ABCC2: variants seen among roughly 807,000 people sequenced by gnomAD.
ABCC2 encodes ATP binding cassette subfamily C member 2, also known as ATP-binding cassette sub-family C member 2.
Under a neutral mutation model 173.4 loss-of-function variants are expected in ABCC2, and 157 were observed. The observed-to-expected ratio is 0.91, with a 90% CI of 0.80 to 1.03. ABCC2 has a LOEUF of 1.03. Among genes scored for constraint, ABCC2 ranks in the 50% least tolerant of loss-of-function variants. The pLI is 0.00. For missense variants in ABCC2, 1,822 were observed against 1,852.3 expected, an observed-to-expected ratio of 0.98 and a Z score of 0.30; for synonymous variants, 657 against 693.5, an observed-to-expected ratio of 0.95 and a Z score of 0.83.
intron 2 of ABCC2, among the ~76,000 whole-genome samples, chr10:99,785,319 G>A (rs1590134625): frequency 6.6e-6 from 1 of 152,154 alleles, no homozygotes; most frequent in East Asian, 1.9e-4. Flanking sequence ...AGCACGAGTA[G>A]GGAAATAATG....
intron 28 of ABCC2, 117 bp from the exon 29 acceptor site, chr10:99,845,507 A>G (rs918369339): frequency 7.6e-7 from 1 of 1,309,548 alleles, no homozygotes; most frequent in Non-Finnish European, 1.1e-6. Context: ...TTAATATCTT[A>G]GAGATGGAGT....
At chr10:99,825,351 G>A (rs1047129606) in intron 19 of ABCC2, among the ~76,000 whole-genome samples, 3 of 152,050 alleles carry the variant, frequency 2.0e-5, no homozygotes, top group Non-Finnish European at 4.4e-5. Flanking sequence ...TTTTGTTTAG[G>A]CCAATTTTTT....
chr10:99,819,839 T>C (rs532808377), intron 19 of ABCC2, among the ~76,000 whole-genome samples: 2 of 152,322 alleles, frequency 1.3e-5, no homozygotes, highest in South Asian at 2.1e-4. Flanking sequence ...ATCACCACCA[T>C]TGGGTTCACC....
At position 99,851,596 on chromosome 10, in the gene ABCC2, G is replaced by C; in HGVS notation, c.4603G>C (p.Ala1535Pro). 6.2e-7 allele frequency: 1 copy of C among 1,614,192 alleles called. No individual in the cohort carries two copies. ...ACCCTTTTACTTTATGGCTAAGGAA[G>C]CTGGCATTGAGAATGTGAACAGCAC... is the stretch of plus-strand genomic sequence containing the variant. ...PGPFYFMAKE[A>P]GIENVNSTKF Residue 1535 changes from alanine (A) to proline (P), a missense_variant, in exon 32 of 32, where the codon GCT (alanine) becomes CCT (proline). Coordinates refer to ENST00000647814, the MANE Select transcript of ABCC2 (RefSeq NM_000392.5).
rs1482820345 is a variant in ABCC2, at chr10:99,819,206, G to A, written c.2557G>A (p.Gly853Arg). ...GSYSALLAKK[G>R]EFAKNLKTFL... Reference sequence around the variant, plus strand: ...CTACAGTGCTCTCCTGGCCAAAAAAGGAGAGTTTGCTAAGAATCTGAAGAC... The same window carrying A: ...CTACAGTGCTCTCCTGGCCAAAAAAAGAGAGTTTGCTAAGAATCTGAAGAC... The change falls in exon 19 of 32, where the codon GGA becomes AGA. Residue 853 changes from glycine (G) to arginine (R), a missense_variant. Transcript: ENST00000647814. 5 of 1,614,040 alleles carry A rather than the reference G, an allele frequency of 3.1e-6. No homozygotes were observed. Among genetic ancestry groups the A allele is most frequent in the Non-Finnish European group, 3.4e-6 (4 of 1,180,044 alleles).
At chr10:99,793,864 T>G (rs2037850376) in intron 4 of ABCC2, 28 bp from the exon 5 acceptor site, 1 of 1,597,436 alleles carries the variant, frequency 6.3e-7, no homozygotes, top group African/African-American at 1.3e-5. Context: ...AAAAGGCTCA[T>G]TTTTCCTCTT....
Position 99,792,291 on chromosome 10 carries a change from G to C in ABCC2, c.265G>C (p.Glu89Gln), listed in dbSNP as rs780578920. The change falls in exon 3 of 32, where the codon GAA becomes CAA. Residue 89 changes from glutamate to glutamine, a missense_variant. Physicochemically the swap from Glu to Gln is conservative, Grantham distance 29 (BLOSUM62 2). Transcript: ENST00000647814. ...CATAGAGCTGGCCCTTGTACTCACA[G>C]AAGACTCTGGACAAGCCACAGTCCC... ...AAIELALVLT[E>Q]DSGQATVPAV... 1 of 1,614,110 alleles carries C rather than the reference G, an allele frequency of 6.2e-7. No individual in the cohort carries two copies. Among genetic ancestry groups the C allele is most frequent in the Non-Finnish European group, 8.5e-7 (1 of 1,179,990 alleles).
chr10:99,818,183 A>G (rs185622192), intron 17 of ABCC2, among the ~76,000 whole-genome samples: 20 of 152,052 alleles, frequency 1.3e-4, no homozygotes, highest in African/African-American at 4.8e-4. Context: ...AGATTGCGCC[A>G]CTGCACTCCA....
At chr10:99,814,505 GTGTATGTGTA>G in intron 16 of ABCC2, among the ~76,000 whole-genome samples, 2 of 101,062 alleles carry the variant, frequency 2.0e-5, no homozygotes, top group Non-Finnish European at 2.1e-5. Flanking sequence ...ATATATGTGT[GTGTATGTGTA>G]TATATACATA....
rs2038436021 is a variant in ABCC2 at position 99,817,219 on chromosome 10, T to C, written c.2095-89T>C. On this transcript the variant is annotated intron_variant, in intron 16 of 31. Transcript: ENST00000647814. Reference sequence around the variant, plus strand: ...ACAGTTATTTAAATTTAAGCTCCATTTGTTTCTTCCCCTCTCCAGCCACCC... The same window carrying C: ...ACAGTTATTTAAATTTAAGCTCCATCTGTTTCTTCCCCTCTCCAGCCACCC... 11 of 1,205,308 alleles carry C rather than the reference T, an allele frequency of 9.1e-6. No homozygotes were observed. In the South Asian group the frequency reaches 1.4e-4, roughly 15 times the overall value. The allele number at this position is 1,205,308 out of a possible 1,614,324, so 74.7% of individuals were successfully genotyped here.
At chr10:99,817,225 C>T (rs2038436184) in intron 16 of ABCC2, 83 bp from the exon 17 acceptor site, 1 of 1,303,854 alleles carries the variant, frequency 7.7e-7, no homozygotes, top group African/African-American at 1.5e-5. Flanking sequence ...CCATTTGTTT[C>T]TTCCCCTCTC....
chr10:99,811,740 C>G (rs542509774), intron 15 of ABCC2, 138 bp downstream of exon 15: 3 of 1,006,612 alleles, frequency 3.0e-6, no homozygotes, highest in Non-Finnish European at 4.6e-6. Flanking sequence ...GCAGGATAAA[C>G]CCCTGGAGAG....
rs1037549609 is a variant in ABCC2, at chr10:99,782,831, G to A, written c.-14G>A. 9 of 1,613,408 alleles carry A rather than the reference G, an allele frequency of 5.6e-6. No homozygotes were observed. The highest frequency in any genetic ancestry group is 1.1e-5 in the South Asian group (1 of 91,076). ...TAATAGAAGAGTCTTCGTTCCAGAC[G>A]CAGTCCAGGAATCATGCTGGAGAAG... On this transcript the variant is annotated 5_prime_UTR_variant, in exon 1 of 32. Coordinates refer to ENST00000647814, the MANE Select transcript of ABCC2 (RefSeq NM_000392.5).
At position 99,800,446 on chromosome 10, in the gene ABCC2, A is replaced by C; in HGVS notation, c.1092A>C (p.Ala364=). ...ATTTGTGGATTGGATATCTCTGTGC[A>C]ATCCTCTTATTCACTGCGGCTCTCA... is the stretch of plus-strand genomic sequence containing the variant. ...DTYLWIGYLC[A]ILLFTAALIQ... is the part of the protein sequence containing the mutation. The change falls in exon 9 of 32, where the codon GCA becomes GCC. Residue 364 remains alanine, a synonymous_variant. Coordinates refer to ENST00000647814, the MANE Select transcript of ABCC2 (RefSeq NM_000392.5). 1.2e-6 allele frequency: 2 copies of C among 1,614,180 alleles called. No homozygotes were observed. Among genetic ancestry groups the C allele is most frequent in the South Asian group, 2.2e-5 (2 of 91,082 alleles).
rs745507343 is a variant in ABCC2, at chr10:99,830,323, A to G, written c.2637A>G (p.Glu879=). ...TCTCCCTAGTCCATGATGGCAGTGA[A>G]GAAGAAGACGATGACTATGGGCTGA... The part of the protein sequence containing the change: ...EEEATVHDGS[E]EEDDDYGLIS... Residue 879 remains glutamate (E), a synonymous_variant, in exon 20 of 32, where the codon GAA becomes GAG. Coordinates refer to ENST00000647814, the MANE Select transcript of ABCC2 (RefSeq NM_000392.5). The G allele has an allele frequency of 6.2e-7, 1 of 1,614,142 alleles. No individual in the cohort carries two copies. The highest frequency in any genetic ancestry group is 1.7e-5 in the Admixed American group (1 of 60,020).
chr10:99,822,341 G>A (rs1271645886), intron 19 of ABCC2, among the ~76,000 whole-genome samples: 1 of 151,730 alleles, frequency 6.6e-6, no homozygotes, highest in African/African-American at 2.4e-5. Flanking sequence ...CAAGTTGGCG[G>A]CTCTGCCTTC....
intron 10 of ABCC2, 90 bp from the exon 11 acceptor site, chr10:99,805,292 A>G: frequency 8.6e-7 from 1 of 1,163,484 alleles, no homozygotes. Flanking sequence ...TGACAGCCAC[A>G]AAGTAGCAGT....
intron 29 of ABCC2, among the ~76,000 whole-genome samples, 157 bp from the exon 30 acceptor site, chr10:99,846,804 T>A (rs2039024160): frequency 6.6e-6 from 1 of 152,138 alleles, no homozygotes; most frequent in Admixed American, 6.6e-5. Context: ...CTCCGAGCCT[T>A]AGGAGGGAAA....
intron 16 of ABCC2, among the ~76,000 whole-genome samples, chr10:99,816,908 C>T (rs1344200166): frequency 6.6e-6 from 1 of 152,174 alleles, no homozygotes; most frequent in Non-Finnish European, 1.5e-5. Context: ...AAATTGTCTT[C>T]CACAAAACCG....
Sources: gnomAD v4.1 joint callset for allele counts (sites outside exome capture counted in the v4.1 genomes callset) on GRCh38, gnomAD v4.1.1 for gene constraint, MANE v1.5 for transcripts, NCBI Gene and HGNC (gene_info 2026-07-23, HGNC 2026-07-21) for gene names.